Variants in NEDD4L observed in about 807,000 individuals in gnomAD.
NEDD4L encodes E3 ubiquitin-protein ligase NEDD4-like.
In NEDD4L, 54 loss-of-function variants were observed where a neutral mutation model predicts 148.9. That is an observed-to-expected ratio of 0.36 (90% CI 0.29 to 0.45). The LOEUF (loss-of-function observed/expected upper bound fraction) is 0.45. Ranked by LOEUF, NEDD4L falls within the 20% of genes least tolerant of loss-of-function variation. The pLI, the probability that NEDD4L is intolerant of heterozygous loss-of-function variation, is 1.00. For synonymous variants in NEDD4L, 433 were observed against 440.7 expected (o/e 0.98, Z 0.22); for missense variants, 856 against 1,233.8 (o/e 0.69, Z 4.59).
chr18:58,091,418 A>C (rs2084062900), intron 1 of NEDD4L: 1 of 152,258 alleles, frequency 6.6e-6, no homozygotes, highest in Non-Finnish European at 1.5e-5. Flanking sequence ...CCTCATTAAT[A>C]AAATGAAGAT....
At chr18:58,308,717 G>A (rs2057337922) in intron 5 of NEDD4L, among the ~76,000 whole-genome samples, 1 of 152,214 alleles carries the variant, frequency 6.6e-6, no homozygotes, top group South Asian at 2.1e-4. Context: ...CTCAGGCAGT[G>A]GTCTGGCCGC....
rs1010804726 is a variant in NEDD4L, at chr18:58,255,986, G to T, written c.297+3932G>T. 9 of 1,230,648 alleles carry T rather than the reference G, an allele frequency of 7.3e-6. No individual in the cohort carries two copies. The African/African-American group carries it at 7.8e-5, about 11-fold the overall frequency. 76.2% of individuals were successfully genotyped at this position (1,230,648 alleles called of 1,614,324 possible). A position where few individuals can be genotyped will look rare whatever the true frequency, so the allele number is the denominator to read the frequency against. On this transcript the variant is annotated intron_variant, in intron 5 of 30. Coordinates refer to ENST00000400345, the MANE Select transcript of NEDD4L (RefSeq NM_001144967.3). ...CGGGCCGCCCGAGGGCGCCGACGATGGGCCTCCATGCGCAACGCCCGACCC... is the reference window on the plus strand; with the variant it reads ...CGGGCCGCCCGAGGGCGCCGACGATTGGCCTCCATGCGCAACGCCCGACCC...
chr18:58,335,065 C>T (rs1468613244), intron 12 of NEDD4L, among the ~76,000 whole-genome samples: 2 of 152,204 alleles, frequency 1.3e-5, no homozygotes, highest in East Asian at 3.8e-4. Context: ...ACTCACTTTC[C>T]TGGAAACTGG....
At chr18:58,081,430 A>T (rs543959451) in intron 1 of NEDD4L, among the ~76,000 whole-genome samples, 187 of 151,892 alleles carry the variant, frequency 1.2e-3, no homozygotes, top group Middle Eastern at 0.01. Context: ...TTAGCCAGGA[A>T]GGTCTCGATC....
rs1042623612 is a variant in NEDD4L, at chr18:58,083,961, C to G, written c.48+39253C>G. The stretch of plus-strand genomic sequence containing the variant: ...GGCCGGCCTGGTCTTGAACTCCTGA[C>G]CTCAGGTGATCCACCTGCCTCAGCC... On this transcript the variant is annotated intron_variant, in intron 1 of 30. Transcript: ENST00000400345. Among the ~76,000 whole-genome samples the G allele has an allele frequency of 3.5e-4, 54 of 152,190 alleles. 1 individual carries two copies. The highest frequency in any genetic ancestry group is 3.3e-4 in the Admixed American group (5 of 15,284).
At chr18:58,266,553 C>G (rs973817174) in intron 5 of NEDD4L, among the ~76,000 whole-genome samples, 9 of 152,112 alleles carry the variant, frequency 5.9e-5, no homozygotes, top group African/African-American at 2.2e-4. Flanking sequence ...TTCCCCCACT[C>G]CAGCTCTTTC....
chr18:58,149,442 C>G (rs1301582648), intron 1 of NEDD4L: 2 of 1,530,036 alleles, frequency 1.3e-6, no homozygotes, highest in African/African-American at 2.8e-5. Context: ...TTGGCTGCAG[C>G]CACGACTTCC....
Position 58,390,634 on chromosome 18 carries a change from C to T in NEDD4L, c.2656-12C>T, listed in dbSNP as rs747268653. ...CGTGGGGGGTATAATGACCTTCTGC[C>T]TCTGTTCATAGGCTGTGCTACTCAT... On this transcript the variant is annotated splice_polypyrimidine_tract_variant and intron_variant, in intron 28 of 30. Coordinates refer to ENST00000400345, the MANE Select transcript of NEDD4L (RefSeq NM_001144967.3). The T allele has an allele frequency of 6.4e-7, 1 of 1,562,298 alleles. No individual in the cohort carries two copies. The highest frequency in any genetic ancestry group is 1.4e-5 in the African/African-American group (1 of 74,072).
intron 24 of NEDD4L, 81 bp downstream of exon 24, chr18:58,373,350 C>T (rs970882957): frequency 6.3e-6 from 5 of 789,466 alleles, no homozygotes; most frequent in African/African-American, 5.1e-5. Flanking sequence ...CACAACTTTG[C>T]TGGACCATCA....
At chr18:58,110,355 C>T (rs1159775634) in intron 1 of NEDD4L, among the ~76,000 whole-genome samples, 1 of 152,206 alleles carries the variant, frequency 6.6e-6, no homozygotes, top group Non-Finnish European at 1.5e-5. Flanking sequence ...CTAGGGTAGT[C>T]ATTAAGATCC....
At chr18:58,138,395 C>T (rs2033108787) in intron 1 of NEDD4L, among the ~76,000 whole-genome samples, 1 of 150,044 alleles carries the variant, frequency 6.7e-6, no homozygotes, top group Non-Finnish European at 1.5e-5. Flanking sequence ...CTCCCCTCCT[C>T]CTCTTTCCTC....
At chr18:58,313,777 G>C (rs1350722354) in intron 5 of NEDD4L, among the ~76,000 whole-genome samples, 2 of 152,202 alleles carry the variant, frequency 1.3e-5, no homozygotes, top group East Asian at 3.8e-4. Context: ...TTTGGTGTCT[G>C]GGCAAAGCTT....
intron 16 of NEDD4L, among the ~76,000 whole-genome samples, chr18:58,345,978 C>T (rs1474135596): frequency 5.3e-5 from 8 of 150,460 alleles, no homozygotes; most frequent in African/African-American, 1.5e-4. Context: ...AGGCTGGTCT[C>T]GAACTCCTGA....
At chr18:58,258,159 A>T (rs997507411) in intron 5 of NEDD4L, among the ~76,000 whole-genome samples, 1 of 151,932 alleles carries the variant, frequency 6.6e-6, no homozygotes, top group Non-Finnish European at 1.5e-5. Context: ...AAACTCTTCT[A>T]TTGGGAAATG....
chr18:58,096,603 C>A (rs562129085), intron 1 of NEDD4L, among the ~76,000 whole-genome samples: 97 of 151,784 alleles, frequency 6.4e-4, no homozygotes, highest in Non-Finnish European at 1.2e-3. Flanking sequence ...GGGGTTTTGC[C>A]ATGTTGGCCA....
At chr18:58,188,818 T>C (rs1270064787) in intron 2 of NEDD4L, among the ~76,000 whole-genome samples, 1 of 152,262 alleles carries the variant, frequency 6.6e-6, no homozygotes, top group Non-Finnish European at 1.5e-5. Flanking sequence ...GAAAGTGGGT[T>C]AATTCATTGT....
intron 16 of NEDD4L, among the ~76,000 whole-genome samples, chr18:58,344,781 A>G (rs1476038404): frequency 6.6e-6 from 1 of 152,062 alleles, no homozygotes; most frequent in Non-Finnish European, 1.5e-5. Flanking sequence ...CAGTGTTCTC[A>G]TTTACTATAG....
At chr18:58,278,881 A>AT (rs538860412) in intron 5 of NEDD4L, among the ~76,000 whole-genome samples, 243 of 151,770 alleles carry the variant, frequency 1.6e-3, no homozygotes, top group Non-Finnish European at 2.8e-3. Context: ...TTATTTATTT[A>AT]TTTTTTTTGG....
intron 3 of NEDD4L, 118 bp downstream of exon 3, chr18:58,245,626 C>T (rs2047159223): frequency 2.0e-6 from 1 of 492,744 alleles, no homozygotes; most frequent in Non-Finnish European, 3.7e-6. Flanking sequence ...AGTGATAGTC[C>T]CGTGAGATTA....
Sources: gnomAD v4.1 joint callset for allele counts (sites outside exome capture counted in the v4.1 genomes callset) on GRCh38, gnomAD v4.1.1 for gene constraint, MANE v1.5 for transcripts, NCBI Gene and HGNC (gene_info 2026-07-23, HGNC 2026-07-21) for gene names.